The following CRB1 variants were observed in gnomAD, a reference collection of about 807,000 sequenced individuals.
The protein encoded by CRB1 is protein crumbs homolog 1.
In CRB1, 83 loss-of-function variants were observed where a neutral mutation model predicts 120.0. The ratio of observed to expected loss-of-function variants is 0.69; its 90% CI spans 0.58 to 0.83. CRB1 has a LOEUF of 0.83. Among genes scored for constraint, CRB1 ranks in the 40% least tolerant of loss-of-function variants. The probability of loss-of-function intolerance (pLI) is 0.00; values close to 1 mark genes in which losing one functional copy is unlikely to be tolerated. For synonymous variants in CRB1, 625 were observed against 612.5 expected (o/e 1.02, Z -0.30); for missense variants, 1,699 against 1,687.6 (o/e 1.01, Z -0.12).
At chr1:197,405,408 T>C (rs10922218) in intron 5 of CRB1, among the ~76,000 whole-genome samples, 47,928 of 148,432 alleles carry the variant, frequency 0.32, 8,178 homozygotes, top group African/African-American at 0.42. Flanking sequence ...AGTGCAGTGG[T>C]GTGATCTCGG....
intron 5 of CRB1, among the ~76,000 whole-genome samples, chr1:197,367,459 T>C (rs1661136191): frequency 1.3e-5 from 2 of 152,222 alleles, no homozygotes; most frequent in South Asian, 4.1e-4. Flanking sequence ...AACAGCTTGA[T>C]AAATTCACAT....
intron 5 of CRB1, among the ~76,000 whole-genome samples, chr1:197,377,800 AC>A (rs1661726695): frequency 6.6e-6 from 1 of 152,088 alleles, no homozygotes; most frequent in East Asian, 1.9e-4. Flanking sequence ...TAAAAATGAA[AC>A]CTTTTTTTAT....
intron 11 of CRB1, among the ~76,000 whole-genome samples, chr1:197,472,936 A>G (rs914763765): frequency 6.6e-6 from 1 of 152,212 alleles, no homozygotes; most frequent in Non-Finnish European, 1.5e-5. Flanking sequence ...CGTATGTCCT[A>G]TGAGAAGCTC....
At chr1:197,252,586 G>A in the CRB1 span, among the ~76,000 whole-genome samples, 571 of 52,610 alleles carry the variant, frequency 0.011, 2 homozygotes, top group Non-Finnish European at 0.018. Flanking sequence ...ATATATATGT[G>A]TGTGTGTGTG....
At chr1:197,318,432 A>T (rs978807748) in intron 1 of CRB1, among the ~76,000 whole-genome samples, 8 of 152,186 alleles carry the variant, frequency 5.3e-5, no homozygotes, top group African/African-American at 1.7e-4. Context: ...GGAAAATATT[A>T]ATAGTTTAGA....
At chr1:197,242,710 C>G in the CRB1 span, among the ~76,000 whole-genome samples, 3 of 152,094 alleles carry the variant, frequency 2.0e-5, no homozygotes, top group Admixed American at 2.0e-4. Context: ...GGAGGAGTCC[C>G]TCTTTTTATA....
the CRB1 span, among the ~76,000 whole-genome samples, chr1:197,224,115 TCTTTAAAG>T: frequency 1.3e-5 from 2 of 149,112 alleles, no homozygotes; most frequent in Admixed American, 6.6e-5. Flanking sequence ...AAAAAATTTT[TCTTTAAAG>T]CTCTTGTACC....
At chr1:197,355,723 T>G (rs1233135924) in intron 4 of CRB1, among the ~76,000 whole-genome samples, 1 of 152,008 alleles carries the variant, frequency 6.6e-6, no homozygotes, top group Non-Finnish European at 1.5e-5. Context: ...CACCCAGAAC[T>G]CACGCAGCCC....
At chr1:197,214,874 GA>G in the CRB1 span, among the ~76,000 whole-genome samples, 2,313 of 132,662 alleles carry the variant, frequency 0.017, 60 homozygotes, top group African/African-American at 0.055. Flanking sequence ...GGATACTGAA[GA>G]AAAAAAAAAA....
chr1:197,221,699 T>TA, the CRB1 span, among the ~76,000 whole-genome samples: 19 of 151,386 alleles, frequency 1.3e-4, no homozygotes, highest in South Asian at 6.3e-4. Context: ...GGACTTTAGT[T>TA]AAAAAAAAAT....
chr1:197,428,907 C>A (rs1159268929), intron 7 of CRB1: 1 of 1,479,860 alleles, frequency 6.8e-7, no homozygotes, highest in Non-Finnish European at 9.0e-7. Context: ...TAAATACTTT[C>A]ATTTTGAATA....
intron 5 of CRB1, among the ~76,000 whole-genome samples, chr1:197,378,414 T>G (rs1362981726): frequency 6.6e-6 from 1 of 152,214 alleles, no homozygotes; most frequent in East Asian, 1.9e-4. Context: ...TCTCCATTTT[T>G]TCCTCTCTTT....
intron 11 of CRB1, among the ~76,000 whole-genome samples, chr1:197,446,177 G>C (rs904229073): frequency 7.5e-6 from 1 of 132,492 alleles, no homozygotes; most frequent in Non-Finnish European, 1.6e-5. Context: ...GTGACAGAGT[G>C]AGACTTTGTC....
intron 5 of CRB1, among the ~76,000 whole-genome samples, chr1:197,379,869 G>T (rs1042780752): frequency 7.9e-5 from 12 of 152,108 alleles, no homozygotes; most frequent in Non-Finnish European, 1.6e-4. Flanking sequence ...TTTTATTTCA[G>T]CACAAAGGAG....
At chr1:197,375,182 T>C (rs1237416264) in intron 5 of CRB1, among the ~76,000 whole-genome samples, 5 of 152,156 alleles carry the variant, frequency 3.3e-5, no homozygotes, top group Admixed American at 3.3e-4. Context: ...AGTTAGCCTG[T>C]TACTGTTTCA....
At chr1:197,380,470 G>A (rs942451284) in intron 5 of CRB1, among the ~76,000 whole-genome samples, 2 of 152,130 alleles carry the variant, frequency 1.3e-5, no homozygotes, top group Non-Finnish European at 2.9e-5. Context: ...GCAGCTAAGG[G>A]TATCCAGTAT....
At chr1:197,318,902 A>G (rs1658012164) in intron 1 of CRB1, among the ~76,000 whole-genome samples, 2 of 152,102 alleles carry the variant, frequency 1.3e-5, no homozygotes. Flanking sequence ...ACACAGGAGG[A>G]TAAGTTCTGG....
At chr1:197,416,403 C>T (rs1331427645) in intron 5 of CRB1, among the ~76,000 whole-genome samples, 1 of 152,158 alleles carries the variant, frequency 6.6e-6, no homozygotes, top group Non-Finnish European at 1.5e-5. Context: ...CTGCTGGGAA[C>T]ATACTATGTA....
chr1:197,296,794 A>G (rs1049040092), intron 1 of CRB1, among the ~76,000 whole-genome samples: 1 of 151,984 alleles, frequency 6.6e-6, no homozygotes, highest in African/African-American at 2.4e-5. Flanking sequence ...GTCTCACAAG[A>G]TCTGATGGTT....
Sources: allele counts gnomAD v4.1 joint callset (sites outside exome capture counted in the v4.1 genomes callset), GRCh38; gene constraint gnomAD v4.1.1; transcripts MANE v1.5; gene names NCBI Gene and HGNC (gene_info 2026-07-23, HGNC 2026-07-21).